NEK7: variants seen among roughly 807,000 people sequenced by gnomAD.
The protein encoded by NEK7 is serine/threonine-protein kinase Nek7.
NEK7 carries 18 observed loss-of-function variants against 44.6 expected under a neutral mutation model. That is an observed-to-expected ratio of 0.40 (90% CI 0.28 to 0.60). The LOEUF (loss-of-function observed/expected upper bound fraction) is 0.60. NEK7 is among the 20% of genes least tolerant of loss of function. NEK7 has a pLI of 0.38. For synonymous variants in NEK7, 130 were observed against 121.1 expected (o/e 1.07, Z -0.48); for missense variants, 256 against 366.5 (o/e 0.70, Z 2.46).
At chr1:198,285,755 G>A (rs965475233) in intron 7 of NEK7, among the ~76,000 whole-genome samples, 4 of 152,030 alleles carry the variant, frequency 2.6e-5, no homozygotes, top group African/African-American at 9.7e-5. Flanking sequence ...ATGAATATGA[G>A]TATTGTTCAT....
chr1:198,253,685 A>T (rs1236759041), intron 3 of NEK7, among the ~76,000 whole-genome samples: 1 of 152,116 alleles, frequency 6.6e-6, no homozygotes, highest in Non-Finnish European at 1.5e-5. Flanking sequence ...AAAATCTCTT[A>T]TTGTATTTGT....
chr1:198,302,496 T>C (rs1654918177), intron 9 of NEK7, among the ~76,000 whole-genome samples: 5 of 152,124 alleles, frequency 3.3e-5, no homozygotes, highest in Admixed American at 2.6e-4. Flanking sequence ...TCTGGCATCA[T>C]TTCCTATATT....
chr1:198,213,463 C>T (rs1665834225), intron 1 of NEK7, among the ~76,000 whole-genome samples: 1 of 152,172 alleles, frequency 6.6e-6, no homozygotes. Context: ...TGGGGCTTCT[C>T]CCACAGGAGC....
rs1225005015 is a variant in NEK7 at position 198,168,491 on chromosome 1, AT to A, written c.-29+11219del. Among the ~76,000 whole-genome samples, 8 of 152,198 alleles carry A rather than the reference AT, an allele frequency of 5.3e-5. No individual in the cohort carries two copies. The East Asian group carries it at 1.5e-3, about 29-fold the overall frequency. ...AACTTTGTGGGGTATTTGCATATGC[AT>A]TTTGAGAATGTTTGAAAGATGATCC... On this transcript the variant is annotated intron_variant, in intron 1 of 9. Coordinates refer to ENST00000367385, the MANE Select transcript of NEK7 (RefSeq NM_133494.3).
chr1:198,206,055 C>T (rs1179137528), intron 1 of NEK7, among the ~76,000 whole-genome samples: 1 of 151,974 alleles, frequency 6.6e-6, no homozygotes, highest in African/African-American at 2.4e-5. Flanking sequence ...CTTAAACAAA[C>T]AAAAGTAGTA....
At chr1:198,227,595 T>G (rs1428392726) in intron 1 of NEK7, among the ~76,000 whole-genome samples, 1 of 152,266 alleles carries the variant, frequency 6.6e-6, no homozygotes, top group African/African-American at 2.4e-5. Context: ...ATTGTGGTTT[T>G]GATTTGCATT....
At chr1:198,298,408 A>T (rs1659845338) in intron 9 of NEK7, among the ~76,000 whole-genome samples, 1 of 152,192 alleles carries the variant, frequency 6.6e-6, no homozygotes, top group Admixed American at 6.5e-5. Context: ...GGTAGTTTTG[A>T]TACTGATAAT....
At chr1:198,235,667 A>G (rs7523179) in intron 2 of NEK7, among the ~76,000 whole-genome samples, 20,981 of 152,182 alleles carry the variant, frequency 0.14, 2,117 homozygotes, top group East Asian at 0.57. Flanking sequence ...TTGGGTGAAG[A>G]TGGCTATGGT....
chr1:198,311,943 C>G (rs556870274), intron 9 of NEK7, among the ~76,000 whole-genome samples: 1 of 152,174 alleles, frequency 6.6e-6, no homozygotes, highest in South Asian at 2.1e-4. Context: ...CAGGATGATG[C>G]TGGCCTCATA....
At chr1:198,159,864 A>T (rs1188381140) in intron 1 of NEK7, among the ~76,000 whole-genome samples, 2 of 152,180 alleles carry the variant, frequency 1.3e-5, no homozygotes, top group Non-Finnish European at 2.9e-5. Context: ...TTAAAAAAAA[A>T]TTGCATCGTA....
intron 2 of NEK7, among the ~76,000 whole-genome samples, chr1:198,243,044 T>A (rs1349600754): frequency 6.6e-6 from 1 of 152,160 alleles, no homozygotes; most frequent in Admixed American, 6.5e-5. Context: ...CACAGTGTCC[T>A]TTCCGCTGGT....
At chr1:198,314,978 G>A (rs1164708561) in intron 9 of NEK7, among the ~76,000 whole-genome samples, 1 of 152,214 alleles carries the variant, frequency 6.6e-6, no homozygotes, top group African/African-American at 2.4e-5. Context: ...GTGCTTCCCG[G>A]CTGCTTTGTT....
chr1:198,311,349 G>C (rs919641146), intron 9 of NEK7, among the ~76,000 whole-genome samples: 3 of 152,104 alleles, frequency 2.0e-5, no homozygotes, highest in Non-Finnish European at 2.9e-5. Flanking sequence ...TGAGACATTG[G>C]GTTTTTGTAG....
chr1:198,203,066 C>T (rs895688623), intron 1 of NEK7, among the ~76,000 whole-genome samples: 2 of 150,872 alleles, frequency 1.3e-5, no homozygotes, highest in Non-Finnish European at 2.9e-5. Context: ...CATGAGTTCT[C>T]ACATGGCATT....
In NEK7 at chr1:198,305,261, A is replaced by AT. The variant is rs1654991351; in HGVS notation, c.798+8021_798+8022insT. 2.7e-4 allele frequency among the ~76,000 whole-genome samples: 41 copies of AT among 152,182 alleles called. 1 individual carries two copies. Among genetic ancestry groups the AT allele is most frequent in the Admixed American group, 2.7e-3 (41 of 15,274 alleles). On this transcript the variant is annotated intron_variant, in intron 9 of 9. Transcript: ENST00000367385. ...ATTGATTAATACTATTAGAAATTGA[A>AT]ACCTGACATGAAGGAATAGATATGA... is the stretch of plus-strand genomic sequence containing the variant.
intron 1 of NEK7, among the ~76,000 whole-genome samples, chr1:198,197,073 G>T (rs1043726818): frequency 3.3e-5 from 5 of 152,160 alleles, no homozygotes; most frequent in African/African-American, 1.2e-4. Flanking sequence ...ATTATCATGA[G>T]AATTATATGA....
intron 7 of NEK7, among the ~76,000 whole-genome samples, chr1:198,289,324 ACT>A (rs1654476664): frequency 6.6e-6 from 1 of 151,968 alleles, no homozygotes; most frequent in Admixed American, 6.6e-5. Flanking sequence ...GACTTAAAAC[ACT>A]CTCACTCAGC....
intron 1 of NEK7, among the ~76,000 whole-genome samples, chr1:198,212,016 G>T (rs1665788378): frequency 6.6e-6 from 1 of 152,208 alleles, no homozygotes; most frequent in Admixed American, 6.5e-5. Flanking sequence ...CTGAGCAATG[G>T]GAAGTCTATG....
At chr1:198,202,415 A>G (rs1016322177) in intron 1 of NEK7, among the ~76,000 whole-genome samples, 9 of 152,134 alleles carry the variant, frequency 5.9e-5, no homozygotes, top group Admixed American at 3.9e-4. Context: ...TTATTTTTGG[A>G]TGGAAGCAAA....
Sources: allele counts gnomAD v4.1 joint callset (sites outside exome capture counted in the v4.1 genomes callset), GRCh38; gene constraint gnomAD v4.1.1; transcripts MANE v1.5; gene names NCBI Gene and HGNC (gene_info 2026-07-23, HGNC 2026-07-21).